CCDC102B: variants seen among roughly 807,000 people sequenced by gnomAD.
CCDC102B encodes the protein coiled-coil domain containing 102B.
A neutral mutation model predicts 57.4 loss-of-function variants in CCDC102B; 75 were observed. That is an observed-to-expected ratio of 1.31 (90% confidence interval 1.08 to 1.58). CCDC102B has a LOEUF of 1.58. Ranked by LOEUF, CCDC102B falls within the 40% of genes most tolerant of loss-of-function variation. The pLI is 0.00. For synonymous variants in CCDC102B, 206 were observed against 201.9 expected, an observed-to-expected ratio of 1.02 and a Z score of -0.17; for missense variants, 636 against 582.6, an observed-to-expected ratio of 1.09 and a Z score of -0.94.
chr18:68,898,390 A>T (rs1002112958), intron 6 of CCDC102B, among the ~76,000 whole-genome samples: 1 of 152,112 alleles, frequency 6.6e-6, no homozygotes, highest in African/African-American at 2.4e-5. Context: ...ATTAAATTGT[A>T]TTAGTGTTTC....
chr18:69,036,631 C>T (rs1467664762), intron 7 of CCDC102B, among the ~76,000 whole-genome samples: 1 of 151,994 alleles, frequency 6.6e-6, no homozygotes, highest in Admixed American at 6.6e-5. Flanking sequence ...AACAAGCAAA[C>T]ACTATTCCAG....
intron 7 of CCDC102B, among the ~76,000 whole-genome samples, chr18:69,014,233 A>T (rs929745363): frequency 2.0e-5 from 3 of 152,208 alleles, no homozygotes; most frequent in African/African-American, 7.2e-5. Context: ...ATTTCTCAAG[A>T]TTAACATAAT....
intron 5 of CCDC102B, among the ~76,000 whole-genome samples, chr18:68,891,678 G>A (rs889211776): frequency 6.6e-6 from 1 of 152,226 alleles, no homozygotes. Context: ...TGGGCTTGTA[G>A]ATGGTTGCCT....
intron 5 of CCDC102B, among the ~76,000 whole-genome samples, chr18:68,876,564 T>C (rs1441804430): frequency 6.6e-6 from 1 of 152,202 alleles, no homozygotes; most frequent in Admixed American, 6.5e-5. Context: ...TGAATTGATT[T>C]AAATCTCCTG....
At chr18:68,955,837 C>G (rs1484683826) in intron 6 of CCDC102B, among the ~76,000 whole-genome samples, 1 of 151,828 alleles carries the variant, frequency 6.6e-6, no homozygotes, top group African/African-American at 2.4e-5. Flanking sequence ...TTGATACAGG[C>G]TAAATGTGTA....
chr18:69,055,137 A>C lies in CCDC102B; in HGVS notation c.*1000A>C. On this transcript the variant is annotated 3_prime_UTR_variant, in exon 8 of 8. Transcript: ENST00000360242. ...TCCCCCTCCATTGATTAGCCAAAAA[A>C]AAATGAAATCTTACTAATTCATTAT... 4 of 982,542 alleles carry C rather than the reference A, an allele frequency of 4.1e-6. No homozygotes were observed. Among genetic ancestry groups the C allele is most frequent in the Non-Finnish European group, 4.8e-6 (4 of 827,338 alleles). 60.9% of individuals were successfully genotyped at this position (982,542 alleles called of 1,614,324 possible). A position where few individuals can be genotyped will look rare whatever the true frequency, so the allele number is the denominator to read the frequency against.
At chr18:68,836,703 A>T in intron 1 of CCDC102B, 46 bp from the exon 2 acceptor site, 1 of 1,492,820 alleles carries the variant, frequency 6.7e-7, no homozygotes, top group Non-Finnish European at 9.0e-7. Flanking sequence ...TCCTGTATTT[A>T]CAAGGGAAAT....
At chr18:68,875,125 A>G (rs80105540) in intron 5 of CCDC102B, among the ~76,000 whole-genome samples, 1,615 of 152,278 alleles carry the variant, frequency 0.011, 33 homozygotes, top group East Asian at 0.08. Context: ...GACATACAAG[A>G]TATGTGTCAT....
intron 2 of CCDC102B, among the ~76,000 whole-genome samples, chr18:68,784,772 G>C (rs17079705): frequency 0.064 from 9,788 of 151,940 alleles, 594 homozygotes; most frequent in African/African-American, 0.16. Context: ...AGATCTTTTA[G>C]TACTTGGTTC....
intron 6 of CCDC102B, among the ~76,000 whole-genome samples, chr18:68,901,498 A>ACCTT (rs2040452553): frequency 2.0e-5 from 3 of 152,158 alleles, no homozygotes; most frequent in African/African-American, 7.2e-5. Flanking sequence ...GCCAAGAAGG[A>ACCTT]AAATGTGACA....
chr18:68,715,241 C>T lies in CCDC102B; in HGVS notation c.-254C>T, dbSNP rs139484151. On this transcript the variant is annotated 5_prime_UTR_variant, in exon 1 of 4. Coordinates refer to the CCDC102B transcript ENST00000578970. ...AAGAATCCTTTGCGCTCTCGGTGCC[C>T]CCCTCCACGCCCAGGAGCGTGGGAA... The T allele has an allele frequency of 1.8e-4, 237 of 1,341,992 alleles. No individual in the cohort carries two copies. The East Asian group carries it at 7.6e-3, about 43-fold the overall frequency. 83.1% of individuals were successfully genotyped at this position (1,341,992 alleles called of 1,614,324 possible).
chr18:68,871,696 A>G (rs1185467657), intron 4 of CCDC102B, among the ~76,000 whole-genome samples: 1 of 152,154 alleles, frequency 6.6e-6, no homozygotes, highest in Non-Finnish European at 1.5e-5. Flanking sequence ...AGGAAGCCAG[A>G]AGGTCTGGAG....
At chr18:68,734,872 A>G (rs2033054708) in intron 2 of CCDC102B, 1 of 152,132 alleles carries the variant, frequency 6.6e-6, no homozygotes, top group South Asian at 2.1e-4. Context: ...TTATTTAGCA[A>G]TTGAATTTTC....
chr18:68,977,829 C>A (rs962073708), intron 6 of CCDC102B, among the ~76,000 whole-genome samples: 1 of 151,894 alleles, frequency 6.6e-6, no homozygotes, highest in Non-Finnish European at 1.5e-5. Flanking sequence ...TTGTCATTTG[C>A]CTATCTAGGG....
chr18:68,908,447 G>A (rs1345334515), intron 6 of CCDC102B: 2 of 152,060 alleles, frequency 1.3e-5, no homozygotes, highest in Admixed American at 6.6e-5. Flanking sequence ...CAATGATTCT[G>A]TGGCGAGATG....
At chr18:68,838,982 T>TTCAACATA in intron 3 of CCDC102B, 56 bp downstream of exon 3, 1 of 1,340,324 alleles carries the variant, frequency 7.5e-7, no homozygotes, top group Non-Finnish European at 1.1e-6. Flanking sequence ...TCACTTAAAA[T>TTCAACATA]TGTTAATACA....
At chr18:68,968,629 T>C (rs558559666) in intron 6 of CCDC102B, among the ~76,000 whole-genome samples, 2 of 152,150 alleles carry the variant, frequency 1.3e-5, no homozygotes, top group Non-Finnish European at 2.9e-5. Context: ...GGCATTATCT[T>C]ATGTAGCACA....
At chr18:68,984,825 G>A (rs893391735) in intron 6 of CCDC102B, among the ~76,000 whole-genome samples, 4 of 152,006 alleles carry the variant, frequency 2.6e-5, no homozygotes, top group Non-Finnish European at 5.9e-5. Context: ...TCCAGACATT[G>A]CATGAGATTA....
intron 7 of CCDC102B, among the ~76,000 whole-genome samples, chr18:69,029,100 A>C (rs1402841252): frequency 6.6e-6 from 1 of 152,166 alleles, no homozygotes; most frequent in African/African-American, 2.4e-5. Context: ...TGATGGTCTA[A>C]GTATGGAGAA....
Sources: allele counts gnomAD v4.1 joint callset (sites outside exome capture counted in the v4.1 genomes callset), GRCh38; gene constraint gnomAD v4.1.1; transcripts MANE v1.5; gene names NCBI Gene and HGNC (gene_info 2026-07-23, HGNC 2026-07-21).